The following RPTOR variants were observed in gnomAD, a reference collection of about 807,000 sequenced individuals.
RPTOR encodes the protein regulatory associated protein of MTOR complex 1.
In RPTOR, 21 loss-of-function variants were observed where a neutral mutation model predicts 169.9. The ratio of observed to expected loss-of-function variants is 0.12; its 90% CI spans 0.09 to 0.18. The LOEUF (loss-of-function observed/expected upper bound fraction) is 0.18. Among genes scored for constraint, RPTOR ranks in the 10% least tolerant of loss-of-function variants. RPTOR has a pLI of 1.00. For missense variants in RPTOR, 1,133 were observed against 1,855.9 expected (o/e 0.61, Z 7.16); for synonymous variants, 732 against 753.2 (o/e 0.97, Z 0.46).
At chr17:80,673,120 T>C (rs1443431683) in intron 3 of RPTOR, among the ~76,000 whole-genome samples, 3 of 152,102 alleles carry the variant, frequency 2.0e-5, no homozygotes, top group Non-Finnish European at 4.4e-5. Flanking sequence ...AGAGATGCGG[T>C]TTCACCATGT....
intron 1 of RPTOR, among the ~76,000 whole-genome samples, chr17:80,598,926 A>ATCTG (rs1282344347): frequency 1.4e-5 from 2 of 147,632 alleles, no homozygotes; most frequent in Admixed American, 1.4e-4. Flanking sequence ...CTATCTATCT[A>ATCTG]TCTTTTTGAG....
At chr17:80,770,910 G>A (rs1207394619) in intron 6 of RPTOR, among the ~76,000 whole-genome samples, 3 of 152,172 alleles carry the variant, frequency 2.0e-5, no homozygotes, top group South Asian at 4.1e-4. Context: ...TCTGGTTTGC[G>A]CTGCTGTCAC....
chr17:80,631,268 GT>G (rs1296111175), intron 2 of RPTOR, among the ~76,000 whole-genome samples: 1 of 152,010 alleles, frequency 6.6e-6, no homozygotes, highest in Non-Finnish European at 1.5e-5. Context: ...AGGGGAGGAG[GT>G]CTCTGGGGGC....
At chr17:80,623,012 G>GAATTTAAATTC (rs2065366195) in intron 1 of RPTOR, among the ~76,000 whole-genome samples, 1 of 152,140 alleles carries the variant, frequency 6.6e-6, no homozygotes, top group Non-Finnish European at 1.5e-5. Flanking sequence ...TTTAAATTCT[G>GAATTTAAATTC]TTTTGAATAG....
intron 3 of RPTOR, among the ~76,000 whole-genome samples, chr17:80,654,434 C>G (rs185899109): frequency 3.9e-5 from 6 of 152,212 alleles, no homozygotes; most frequent in Non-Finnish European, 7.3e-5. Flanking sequence ...CCAGAGAGGC[C>G]GATCAGCTCC....
At chr17:80,818,251 C>T (rs1567928644) in intron 7 of RPTOR, among the ~76,000 whole-genome samples, 1 of 152,208 alleles carries the variant, frequency 6.6e-6, no homozygotes, top group Non-Finnish European at 1.5e-5. Context: ...TCTCCCAATT[C>T]AGGAGTCTTT....
chr17:80,655,052 C>T (rs2143632499), intron 3 of RPTOR, among the ~76,000 whole-genome samples: 1 of 152,340 alleles, frequency 6.6e-6, no homozygotes, highest in East Asian at 1.9e-4. Context: ...TTGAAGACTT[C>T]TTTCTGTTGT....
Position 80,845,595 on chromosome 17 carries a change from C to G in RPTOR, c.1213-878C>G, listed in dbSNP as rs909360197. Among the ~76,000 whole-genome samples the G allele has an allele frequency of 6.6e-6, 1 of 151,960 alleles. No individual in the cohort carries two copies. The highest frequency in any genetic ancestry group is 2.4e-5 in the African/African-American group (1 of 41,360). On this transcript the variant is annotated intron_variant, in intron 10 of 33. Coordinates refer to ENST00000306801, the MANE Select transcript of RPTOR (RefSeq NM_020761.3). This position sits in a 1 kb window ranked among gnomAD's most constrained non-coding sequence, Gnocchi z 5.4. The stretch of plus-strand genomic sequence containing the variant: ...TTCCAGTCCCATCCCCCAGCCTGCC[C>G]GAGGATGCCCTCCAGCAGCCTTTCC...
intron 3 of RPTOR, among the ~76,000 whole-genome samples, chr17:80,648,025 A>G (rs2065610473): frequency 6.6e-6 from 1 of 152,158 alleles, no homozygotes; most frequent in African/African-American, 2.4e-5. Flanking sequence ...TTGCCATTAG[A>G]TAAACATGTT....
chr17:80,725,023 G>A (rs924128393), intron 4 of RPTOR, among the ~76,000 whole-genome samples: 5 of 152,158 alleles, frequency 3.3e-5, no homozygotes, highest in Admixed American at 1.3e-4. Flanking sequence ...GGGGTTTTGC[G>A]TTTTGTCTTC....
At chr17:80,661,599 G>A (rs1028809920) in intron 3 of RPTOR, among the ~76,000 whole-genome samples, 1 of 152,120 alleles carries the variant, frequency 6.6e-6, no homozygotes, top group East Asian at 1.9e-4. Flanking sequence ...TTTTATGTCC[G>A]CCGATAAGGT....
intron 24 of RPTOR, among the ~76,000 whole-genome samples, chr17:80,929,605 G>A (rs975996652): frequency 3.3e-5 from 5 of 152,250 alleles, no homozygotes; most frequent in African/African-American, 1.2e-4. Context: ...TGGGGATCTT[G>A]TTTTGCCCTG....
intron 21 of RPTOR, among the ~76,000 whole-genome samples, chr17:80,921,591 A>G (rs534114589): frequency 3.3e-5 from 5 of 152,356 alleles, no homozygotes; most frequent in Non-Finnish European, 5.9e-5. Flanking sequence ...TTAAAAAATA[A>G]AAGCAAAACC....
intron 24 of RPTOR, among the ~76,000 whole-genome samples, chr17:80,933,085 T>C (rs946748964): frequency 2.0e-4 from 30 of 152,118 alleles, no homozygotes; most frequent in African/African-American, 6.0e-4. Context: ...GACAAACATA[T>C]CCTCTCTTGC....
Position 80,960,216 on chromosome 17 carries a change from C to G in RPTOR, c.3605+11C>G, listed in dbSNP as rs1394825163. ...GGCACTCAGCGAATGGTACCTTGAC[C>G]CTGTCCTCTCCCTCCCCGAGTGCTG... On this transcript the variant is annotated intron_variant, in intron 30 of 33. Coordinates refer to ENST00000306801, the MANE Select transcript of RPTOR (RefSeq NM_020761.3). The surrounding 1 kb of genome is among the most constrained non-coding windows in gnomAD (Gnocchi z 4.8). 2 of 1,613,088 alleles carry G rather than the reference C, an allele frequency of 1.2e-6. No homozygotes were observed. The highest frequency in any genetic ancestry group is 2.2e-5 in the East Asian group (1 of 44,882).
chr17:80,685,625 ATATTTTTTTTTTTT>A (rs1182624097), intron 3 of RPTOR, among the ~76,000 whole-genome samples: 3 of 35,344 alleles, frequency 8.5e-5, no homozygotes, highest in African/African-American at 1.5e-4. Context: ...ATATATATAT[ATATTTTTTTTTTTT>A]TTTTTTTTTT....
In RPTOR at chr17:80,721,464, T is replaced by C. The variant is rs1049797038; in HGVS notation, c.508-9096T>C. ...GAGCAGCAGAAGCCATGCTGGCTCT[T>C]CCTGCTGCGTGTGCATCTGGCCCTG... On this transcript the variant is annotated intron_variant, in intron 4 of 33. Coordinates refer to ENST00000306801, the MANE Select transcript of RPTOR (RefSeq NM_020761.3). The surrounding 1 kb of genome is among the most constrained non-coding windows in gnomAD (Gnocchi z 4.7). 7.9e-5 allele frequency among the ~76,000 whole-genome samples: 12 copies of C among 151,384 alleles called. No individual in the cohort carries two copies. The highest frequency in any genetic ancestry group is 2.7e-4 in the African/African-American group (11 of 40,672).
chr17:80,743,286 G>A (rs770300680), intron 5 of RPTOR: 8 of 985,494 alleles, frequency 8.1e-6, no homozygotes, highest in Non-Finnish European at 9.6e-6. Flanking sequence ...TGTTTCCGGG[G>A]GTGAAGGCAC....
intron 3 of RPTOR, among the ~76,000 whole-genome samples, chr17:80,654,000 G>A (rs770669491): frequency 1.3e-4 from 19 of 149,440 alleles, no homozygotes; most frequent in Non-Finnish European, 2.4e-4. Flanking sequence ...CAGGCTGTAC[G>A]GCCAGTGTTA....
Sources: gnomAD v4.1 joint callset for allele counts (sites outside exome capture counted in the v4.1 genomes callset) on GRCh38, gnomAD v4.1.1 for gene constraint, Gnocchi (gnomAD v3.1) non-coding constraint, MANE v1.5 for transcripts, NCBI Gene and HGNC (gene_info 2026-07-23, HGNC 2026-07-21) for gene names.